Variants in CA13 observed in about 807,000 individuals in gnomAD.
The protein encoded by CA13 is CA-XIII.
A neutral mutation model predicts 31.5 loss-of-function variants in CA13; 21 were observed. That is an observed-to-expected ratio of 0.67 (90% CI 0.47 to 0.96). The LOEUF is 0.96. Among genes scored for constraint, CA13 ranks in the 40% least tolerant of loss-of-function variants. The pLI is 0.00. For synonymous variants in CA13, 117 were observed against 111.4 expected (o/e 1.05, Z -0.32); for missense variants, 315 against 318.9 (o/e 0.99, Z 0.09).
At chr8:85,255,943 G>A (rs540786376) in intron 2 of CA13, among the ~76,000 whole-genome samples, 1 of 151,722 alleles carries the variant, frequency 6.6e-6, no homozygotes, top group Non-Finnish European at 1.5e-5. Flanking sequence ...TTTAGCTAAA[G>A]CTCTCTATGA....
chr8:85,254,951 G>A (rs897638886), intron 2 of CA13, among the ~76,000 whole-genome samples: 1 of 151,900 alleles, frequency 6.6e-6, no homozygotes, highest in Non-Finnish European at 1.5e-5. Flanking sequence ...TAAACCACAG[G>A]CATGAAATCT....
At chr8:85,265,737 C>T (rs1159758608) in intron 3 of CA13, among the ~76,000 whole-genome samples, 1 of 152,164 alleles carries the variant, frequency 6.6e-6, no homozygotes, top group Non-Finnish European at 1.5e-5. Context: ...TTGATTTAAT[C>T]ATTCCACATT....
At chr8:85,267,537 GCTGA>G (rs956300093) in intron 4 of CA13, among the ~76,000 whole-genome samples, 2 of 152,094 alleles carry the variant, frequency 1.3e-5, no homozygotes, top group African/African-American at 4.8e-5. Context: ...GAATTGAGGG[GCTGA>G]CTGTCACATC....
chr8:85,281,393 C>T lies in CA13; in HGVS notation c.*44C>T, dbSNP rs1334297622. The T allele has an allele frequency of 3.1e-6, 5 of 1,596,602 alleles. No individual in the cohort carries two copies. The highest frequency in any genetic ancestry group is 4.3e-6 in the Non-Finnish European group (5 of 1,168,292). The stretch of plus-strand genomic sequence containing the variant: ...TCCCCCAAACATGGCTGTGGAGAGA[C>T]AACAAAACAAAACAAAGCACAAAAG... On this transcript the variant is annotated 3_prime_UTR_variant, in exon 7 of 7. Transcript: ENST00000321764.
intron 6 of CA13, among the ~76,000 whole-genome samples, chr8:85,280,340 A>G (rs1206768412): frequency 6.6e-6 from 1 of 152,194 alleles, no homozygotes; most frequent in East Asian, 1.9e-4. Flanking sequence ...GCTTGTATGT[A>G]TGATGGTTGA....
At chr8:85,260,136 A>G (rs1208206725) in intron 3 of CA13, among the ~76,000 whole-genome samples, 1 of 152,222 alleles carries the variant, frequency 6.6e-6, no homozygotes, top group African/African-American at 2.4e-5. Context: ...AACACAATAA[A>G]GCATTCATTG....
At chr8:85,276,794 C>T (rs191850982) in intron 6 of CA13, among the ~76,000 whole-genome samples, 44 of 145,780 alleles carry the variant, frequency 3.0e-4, no homozygotes, top group East Asian at 2.5e-3. Flanking sequence ...ATGCACCAGT[C>T]GACACTCTGT....
At chr8:85,262,029 CAG>C (rs1373022288) in intron 3 of CA13, among the ~76,000 whole-genome samples, 2 of 152,282 alleles carry the variant, frequency 1.3e-5, no homozygotes, top group Non-Finnish European at 2.9e-5. Context: ...TTTATAGAGA[CAG>C]AGTCTGGCCA....
chr8:85,268,175 A>G (rs138493619), intron 5 of CA13, among the ~76,000 whole-genome samples: 28 of 152,364 alleles, frequency 1.8e-4, no homozygotes, highest in African/African-American at 6.5e-4. Context: ...CTTATGCATA[A>G]TTAGTCTCTG....
intron 5 of CA13, 72 bp downstream of exon 5, chr8:85,268,036 A>G: frequency 1.0e-6 from 1 of 973,912 alleles, no homozygotes; most frequent in East Asian, 2.6e-5. Context: ...TCCTTTAAAG[A>G]CTTAGACATA....
At position 85,268,559 on chromosome 8, in the gene CA13, G is replaced by T. The variant is rs200914326; in HGVS notation, c.601G>T (p.Val201Phe). Residue 201 changes from valine to phenylalanine, a missense_variant, in exon 6 of 7, where the codon GTT (valine) becomes TTT (phenylalanine). Physicochemically the swap from Val to Phe is conservative, Grantham distance 50. Coordinates refer to ENST00000321764, the MANE Select transcript of CA13 (RefSeq NM_198584.3). The stretch of plus-strand genomic sequence containing the variant: ...CTGGACATATCCTGGTTCTCTTACA[G>T]TTCCACCTCTTCTTGAGAGTGTCAC... Reference protein sequence around the residue: ...DYWTYPGSLTVPPLLESVTWI... With the variant: ...DYWTYPGSLTFPPLLESVTWI... 1.9e-6 allele frequency: 3 copies of T among 1,613,912 alleles called. No individual in the cohort carries two copies. Among genetic ancestry groups the T allele is most frequent in the African/African-American group, 1.3e-5 (1 of 74,970 alleles).
At chr8:85,254,321 G>A (rs1232719514) in intron 2 of CA13, among the ~76,000 whole-genome samples, 2 of 150,706 alleles carry the variant, frequency 1.3e-5, no homozygotes, top group Admixed American at 1.3e-4. Context: ...ATTTTAGAAT[G>A]AGAAATGATT....
At chr8:85,261,706 G>GT (rs1807382769) in intron 3 of CA13, among the ~76,000 whole-genome samples, 1 of 152,108 alleles carries the variant, frequency 6.6e-6, no homozygotes, top group Admixed American at 6.5e-5. Flanking sequence ...GATTACAGGC[G>GT]TGAGCCACCG....
At chr8:85,254,922 C>T (rs941916800) in intron 2 of CA13, among the ~76,000 whole-genome samples, 1 of 151,872 alleles carries the variant, frequency 6.6e-6, no homozygotes, top group African/African-American at 2.4e-5. Flanking sequence ...AACCCTGAAT[C>T]CCACCTCAGG....
rs1807702779 is a variant in CA13 at position 85,281,319 on chromosome 8, G to A, written c.759G>A (p.Lys253=). Reference sequence around the variant, plus strand: ...ATCACCGCCCACCACAGCCTCTAAAGGGCCGCAAAGTGAGAGCCTCTTTCC... The same window carrying A: ...ATCACCGCCCACCACAGCCTCTAAAAGGCCGCAAAGTGAGAGCCTCTTTCC... ...VSNHRPPQPL[K]GRKVRASFH Residue 253 remains lysine, a synonymous_variant, in exon 7 of 7, where the codon AAG becomes AAA. Transcript: ENST00000321764. 1 of 1,613,838 alleles carries A rather than the reference G, an allele frequency of 6.2e-7. No homozygotes were observed. Among genetic ancestry groups the A allele is most frequent in the African/African-American group, 1.3e-5 (1 of 74,894 alleles).
chr8:85,245,895 G>A (rs553239931), intron 1 of CA13, 30 bp downstream of exon 1: 3 of 1,613,944 alleles, frequency 1.9e-6, no homozygotes, highest in East Asian at 4.5e-5. Context: ...CCAAGGGGGG[G>A]TTTGTGCGGG....
chr8:85,270,342 C>T (rs1374089798), intron 6 of CA13, among the ~76,000 whole-genome samples: 1 of 152,114 alleles, frequency 6.6e-6, no homozygotes, highest in Non-Finnish European at 1.5e-5. Context: ...CACATCCTTC[C>T]TTCTGTTGGG....
At chr8:85,255,085 T>G (rs1807271198) in intron 2 of CA13, among the ~76,000 whole-genome samples, 1 of 151,778 alleles carries the variant, frequency 6.6e-6, no homozygotes, top group South Asian at 2.1e-4. Flanking sequence ...TGTGAAATTT[T>G]TCCCTTCCTT....
rs1446966250 is a variant in CA13, at chr8:85,267,151, A to G, written c.450+448A>G. 4.5e-6 allele frequency: 3 copies of G among 665,026 alleles called. No homozygotes were observed. In the East Asian group the frequency reaches 4.0e-4, roughly 89 times the overall value. The allele number at this position is 665,026 out of a possible 1,614,324, so 41.2% of individuals were successfully genotyped here. A position where few individuals can be genotyped will look rare whatever the true frequency, so the allele number is the denominator to read the frequency against. ...TCTAACGTTCACATGTGGTTAGACAATTATTGTCATCATACCTGGGAACAG... is the reference window on the plus strand; with the variant it reads ...TCTAACGTTCACATGTGGTTAGACAGTTATTGTCATCATACCTGGGAACAG... On this transcript the variant is annotated intron_variant, in intron 4 of 6. Transcript: ENST00000321764.
Sources: allele counts gnomAD v4.1 joint callset (sites outside exome capture counted in the v4.1 genomes callset), GRCh38; gene constraint gnomAD v4.1.1; transcripts MANE v1.5; gene names NCBI Gene and HGNC (gene_info 2026-07-23, HGNC 2026-07-21).